NUP210: variants seen among roughly 807,000 people sequenced by gnomAD.
NUP210 encodes the protein nucleoporin 210, also known as nuclear pore membrane glycoprotein 210.
In NUP210, 151 loss-of-function variants were observed where a neutral mutation model predicts 196.0. The observed-to-expected ratio is 0.77, with a 90% CI of 0.67 to 0.88. The LOEUF is 0.88. Among genes scored for constraint, NUP210 ranks in the 40% least tolerant of loss-of-function variants. The pLI, the probability that NUP210 is intolerant of heterozygous loss-of-function variation, is 0.00. For missense variants in NUP210, 2,314 were observed against 2,493.7 expected (o/e 0.93, Z 1.53); for synonymous variants, 1,070 against 1,052.7 (o/e 1.02, Z -0.32).
At chr3:13,341,971 T>C in intron 22 of NUP210, 25 bp downstream of exon 22, 1 of 1,613,824 alleles carries the variant, frequency 6.2e-7, no homozygotes, top group South Asian at 1.1e-5. Flanking sequence ...TGAGGTGCCC[T>C]CCTCTGACCC....
In NUP210 at chr3:13,322,295, G is replaced by C. The variant is rs1696571827; in HGVS notation, c.4813C>G (p.Pro1605Ala). The C allele has an allele frequency of 6.2e-7, 1 of 1,614,096 alleles. No homozygotes were observed. Among genetic ancestry groups the C allele is most frequent in the Non-Finnish European group, 8.5e-7 (1 of 1,180,048 alleles). Residue 1605 changes from proline to alanine, a missense_variant, in exon 35 of 40, where the codon CCA becomes GCA. Coordinates refer to ENST00000254508, the MANE Select transcript of NUP210 (RefSeq NM_024923.4). ...TQREVIQALHPETLISCQSQF... is the reference protein window; with the variant it reads ...TQREVIQALHAETLISCQSQF... Reference sequence around the variant, plus strand: ...GACTGGCAGCTGATGAGGGTCTCTGGGTGCAAGGCCTGGATGACTTCCCTC... The same window carrying C: ...GACTGGCAGCTGATGAGGGTCTCTGCGTGCAAGGCCTGGATGACTTCCCTC...
chr3:13,375,784 C>A, intron 10 of NUP210, 143 bp from the exon 11 acceptor site: 1 of 804,658 alleles, frequency 1.2e-6, no homozygotes, highest in East Asian at 2.6e-5. Flanking sequence ...GTGCCAGACA[C>A]CCTGCTGCCC....
Position 13,377,494 on chromosome 3 carries a change from C to G in NUP210, c.1114G>C (p.Val372Leu). The change falls in exon 9 of 40, where the codon GTT (valine) becomes CTT (leucine). Residue 372 changes from valine to leucine, a missense_variant. Transcript: ENST00000254508. The stretch of plus-strand genomic sequence containing the variant: ...ACCTTGTTGCTGAACTTGTCAAAAA[C>G]TTCGATGGTGATTTCATACAGGCGG... ...TGRLYEITIEVFDKFSNKVYV... is the reference protein window; with the variant it reads ...TGRLYEITIELFDKFSNKVYV... 1 of 1,613,848 alleles carries G rather than the reference C, an allele frequency of 6.2e-7. No homozygotes were observed. The highest frequency in any genetic ancestry group is 2.2e-5 in the East Asian group (1 of 44,880).
rs1553605356 is a variant in NUP210 at position 13,412,247 on chromosome 3, T to TTTA, written c.167+7812_167+7813insTAA. 5.5e-4 allele frequency among the ~76,000 whole-genome samples: 74 copies of TTTA among 135,682 alleles called. 1 individual carries two copies. The highest frequency in any genetic ancestry group is 1.9e-3 in the African/African-American group (57 of 30,708). The allele number at this position is 135,682 out of a possible 152,430, so 89.0% of individuals were successfully genotyped here. On this transcript the variant is annotated intron_variant, in intron 1 of 39. Coordinates refer to ENST00000254508, the MANE Select transcript of NUP210 (RefSeq NM_024923.4). ...TTTCCTTTTCTTTTTTTTTTTTTTT[T>TTTA]AGTAGAGACAGGGTTTCGCTATGTT...
intron 1 of NUP210, 97 bp downstream of exon 1, chr3:13,419,963 C>G (rs1700476914): frequency 7.4e-6 from 6 of 810,578 alleles, no homozygotes; most frequent in Non-Finnish European, 9.2e-6. Context: ...CGCCGCGCAC[C>G]TGCCGGCTCT....
rs140614881 is a variant in NUP210 at position 13,353,933 on chromosome 3, C to T, written c.2503G>A (p.Gly835Ser). 303 of 1,609,026 alleles carry T rather than the reference C, an allele frequency of 1.9e-4. 1 individual carries two copies. The highest frequency in any genetic ancestry group is 2.5e-4 in the Non-Finnish European group (294 of 1,177,794). Reference protein sequence around the residue: ...MQLVSQDDESGQKKLHGLQAI... With the variant: ...MQLVSQDDESSQKKLHGLQAI... ...AGCTCACCGTGCAGCTTCTTTTGGC[C>T]ACTCTCATCGTCCTGGGACACCAGC... The change falls in exon 17 of 40, where the codon GGC becomes AGC. Residue 835 changes from glycine (G) to serine (S), a missense_variant. By Grantham distance (56) the Gly-to-Ser change is moderately conservative. Transcript: ENST00000254508.
At chr3:13,364,485 G>A (rs1698465715) in intron 14 of NUP210, among the ~76,000 whole-genome samples, 1 of 152,198 alleles carries the variant, frequency 6.6e-6, no homozygotes, top group Non-Finnish European at 1.5e-5. Context: ...CTTGGTTGAT[G>A]TCTGCTCTGT....
chr3:13,392,509 C>A (rs928629059), intron 3 of NUP210, among the ~76,000 whole-genome samples: 1 of 152,208 alleles, frequency 6.6e-6, no homozygotes, highest in African/African-American at 2.4e-5. Context: ...GTCTTCCTAA[C>A]ATCCAGGGCA....
chr3:13,326,766 A>G (rs1382316051), intron 32 of NUP210, among the ~76,000 whole-genome samples: 1 of 152,246 alleles, frequency 6.6e-6, no homozygotes, highest in Non-Finnish European at 1.5e-5. Context: ...AGCAGCAGAG[A>G]TCCGTGTGTC....
intron 31 of NUP210, among the ~76,000 whole-genome samples, chr3:13,328,427 G>A (rs1696864546): frequency 1.3e-5 from 2 of 152,254 alleles, no homozygotes; most frequent in African/African-American, 4.8e-5. Flanking sequence ...GTCTTTGAAT[G>A]CATTCAGCAA....
chr3:13,376,213 C>T, intron 10 of NUP210, 78 bp downstream of exon 10: 4 of 1,502,756 alleles, frequency 2.7e-6, no homozygotes, highest in South Asian at 2.4e-5. Flanking sequence ...GGACTCATGG[C>T]CCTCCTGGGC....
intron 29 of NUP210, 86 bp from the exon 30 acceptor site, chr3:13,330,720 T>C (rs772510781): frequency 4.8e-5 from 63 of 1,300,786 alleles, no homozygotes; most frequent in Non-Finnish European, 6.5e-5. Flanking sequence ...TAAGAGTCTG[T>C]GGCTCCTCAT....
chr3:13,339,869 C>T lies in NUP210; in HGVS notation c.3456G>A (p.Val1152=). 1 of 1,613,608 alleles carries T rather than the reference C, an allele frequency of 6.2e-7. No individual in the cohort carries two copies. Among genetic ancestry groups the T allele is most frequent in the South Asian group, 1.1e-5 (1 of 91,080 alleles). The change falls in exon 25 of 40, where the codon GTG becomes GTA. Residue 1152 remains valine, a synonymous_variant. Transcript: ENST00000254508. The part of the protein sequence containing the change: ...VQAVDAETGK[V]VIISQDLVQV... ...CGCCTGTTACCTGAGAGATGATGAC[C>T]ACCTTGCCGGTCTCTGCATCCACTG...
In NUP210 at chr3:13,350,613, AG is replaced by A. The variant is rs1697936866; in HGVS notation, c.2835+1265del. Among the ~76,000 whole-genome samples, 1 of 152,162 alleles carries A rather than the reference AG, an allele frequency of 6.6e-6. No individual in the cohort carries two copies. Among genetic ancestry groups the A allele is most frequent in the East Asian group, 1.9e-4 (1 of 5,206 alleles). On this transcript the variant is annotated intron_variant, in intron 20 of 39. Coordinates refer to ENST00000254508, the MANE Select transcript of NUP210 (RefSeq NM_024923.4). This position sits in a 1 kb window ranked among gnomAD's most constrained non-coding sequence, Gnocchi z 4.1. The stretch of plus-strand genomic sequence containing the variant: ...AACCAAACAACGATGAAGGGAGTAA[AG>A]GAAGATTTGATAACAATCTCATATC...
intron 3 of NUP210, among the ~76,000 whole-genome samples, chr3:13,392,892 G>A (rs751389419): frequency 2.0e-5 from 3 of 151,666 alleles, no homozygotes; most frequent in Non-Finnish European, 2.9e-5. Context: ...CAGTATGCTC[G>A]GTGAGGGGAG....
intron 4 of NUP210, among the ~76,000 whole-genome samples, chr3:13,389,451 A>G (rs1463110494): frequency 6.6e-6 from 1 of 152,208 alleles, no homozygotes; most frequent in Non-Finnish European, 1.5e-5. Context: ...TTCCCAGGGC[A>G]GGAGGCTGAG....
At chr3:13,349,847 G>A (rs147830109) in intron 20 of NUP210, among the ~76,000 whole-genome samples, 10 of 152,324 alleles carry the variant, frequency 6.6e-5, no homozygotes, top group African/African-American at 9.6e-5. Context: ...ACTGGAGGCC[G>A]GCAAGTTTGC....
At chr3:13,337,107 C>A in intron 26 of NUP210, 189 bp from the exon 27 acceptor site, 1 of 560,918 alleles carries the variant, frequency 1.8e-6, no homozygotes, top group Non-Finnish European at 3.1e-6. Context: ...ACTGTTTTCC[C>A]CATACTGTCC....
intron 11 of NUP210, 73 bp downstream of exon 11, chr3:13,375,431 T>A: frequency 7.0e-7 from 1 of 1,422,780 alleles, no homozygotes; most frequent in South Asian, 1.3e-5. Context: ...CTAAAAGTAA[T>A]AGAATGGACA....
Sources: allele counts gnomAD v4.1 joint callset (sites outside exome capture counted in the v4.1 genomes callset), GRCh38; gene constraint gnomAD v4.1.1; non-coding constraint Gnocchi (gnomAD v3.1); transcripts MANE v1.5; gene names NCBI Gene and HGNC (gene_info 2026-07-23, HGNC 2026-07-21).